The following MMD variants were observed in gnomAD, a reference collection of about 807,000 sequenced individuals.
The protein encoded by MMD is monocyte to macrophage differentiation factor.
MMD carries 22 observed loss-of-function variants against 33.6 expected under a neutral mutation model. The ratio of observed to expected loss-of-function variants is 0.66; its 90% CI spans 0.47 to 0.94. The LOEUF (loss-of-function observed/expected upper bound fraction) is 0.94, where lower values mean the gene tolerates loss of function less well. Among genes scored for constraint, MMD ranks in the 40% least tolerant of loss-of-function variants. MMD has a pLI of 0.00. For synonymous variants in MMD, 97 were observed against 103.2 expected, an observed-to-expected ratio of 0.94 and a Z score of 0.36; for missense variants, 242 against 309.8, an observed-to-expected ratio of 0.78 and a Z score of 1.64.
chr17:55,399,581 T>C (rs895886258), intron 6 of MMD, among the ~76,000 whole-genome samples: 4 of 152,224 alleles, frequency 2.6e-5, no homozygotes, highest in Admixed American at 6.5e-5. Flanking sequence ...CATGCTGTAT[T>C]CTCTACCTGT....
At position 55,403,528 on chromosome 17, in the gene MMD, G is replaced by A. The variant is rs138954255; in HGVS notation, c.446+239C>T. ...ATGAAGTCTGATGGACTCCAAAGGG[G>A]CTGGTTACCATGTCCCCTCAACTAC... On this transcript the variant is annotated intron_variant, in intron 5 of 6. Transcript: ENST00000262065. 2.6e-5 allele frequency among the ~76,000 whole-genome samples: 4 copies of A among 152,154 alleles called. No homozygotes were observed. The East Asian group carries it at 5.8e-4, about 22-fold the overall frequency.
Position 55,421,777 on chromosome 17 carries a change from G to T in MMD, c.-82C>A, listed in dbSNP as rs921647280. The T allele has an allele frequency of 1.1e-5, 16 of 1,476,548 alleles. No homozygotes were observed. Among genetic ancestry groups the T allele is most frequent in the African/African-American group, 1.5e-5 (1 of 68,586 alleles). 91.5% of individuals were successfully genotyped at this position (1,476,548 alleles called of 1,614,324 possible). ...GGGCGCGCGGCCCTCATGGGCTTGG[G>T]CTGCTCCGGAGGCCGCCTGCGTGTC... On this transcript the variant is annotated 5_prime_UTR_variant, in exon 1 of 7. Coordinates refer to ENST00000262065, the MANE Select transcript of MMD (RefSeq NM_012329.3).
Position 55,394,223 on chromosome 17 carries a change from T to G in MMD, c.*111A>C. 2 of 789,240 alleles carry G rather than the reference T, an allele frequency of 2.5e-6. No homozygotes were observed. Among genetic ancestry groups the G allele is most frequent in the Non-Finnish European group, 3.7e-6 (2 of 545,760 alleles). 48.9% of individuals were successfully genotyped at this position (789,240 alleles called of 1,614,324 possible). ...TCACAGTAATTATATTCAAAAGATA[T>G]AAAGTCAGTGCAGTTATTTTTTTTC... On this transcript the variant is annotated 3_prime_UTR_variant, in exon 7 of 7. Transcript: ENST00000262065.
chr17:55,416,940 C>T (rs1320412382), intron 1 of MMD, among the ~76,000 whole-genome samples: 1 of 152,122 alleles, frequency 6.6e-6, no homozygotes, highest in Non-Finnish European at 1.5e-5. Context: ...TTCACTTTCT[C>T]TTTCAAAACT....
At chr17:55,414,371 A>T (rs1907882101) in intron 1 of MMD, 139 bp from the exon 2 acceptor site, 1 of 741,858 alleles carries the variant, frequency 1.3e-6, no homozygotes, top group South Asian at 1.6e-5. Flanking sequence ...ATAAAGCCAA[A>T]GCCACTAAAG....
At chr17:55,399,606 C>T (rs1029984236) in intron 6 of MMD, among the ~76,000 whole-genome samples, 2 of 152,218 alleles carry the variant, frequency 1.3e-5, no homozygotes, top group Non-Finnish European at 2.9e-5. Flanking sequence ...CTTGCCTCAC[C>T]CCTACCATCT....
At position 55,401,538 on chromosome 17, in the gene MMD, T is replaced by C. The variant is rs1907328247; in HGVS notation, c.447A>G (p.Lys149=). ...AGAAAAAGAGTTCAACCACCTTATA[T>C]CTGCAGGAACAAAAATGCAGTTAAT... ...GTIYVFLYHE[K]YKVVELFFYL... Residue 149 remains lysine (K), a splice_region_variant and synonymous_variant, in exon 6 of 7, where the codon AAA becomes AAG. Coordinates refer to ENST00000262065, the MANE Select transcript of MMD (RefSeq NM_012329.3). 1.2e-6 allele frequency: 2 copies of C among 1,607,838 alleles called. No individual in the cohort carries two copies. The highest frequency in any genetic ancestry group is 4.5e-5 in the East Asian group (2 of 44,766).
chr17:55,416,788 T>C (rs1907983531), intron 1 of MMD, among the ~76,000 whole-genome samples: 1 of 152,186 alleles, frequency 6.6e-6, no homozygotes, highest in African/African-American at 2.4e-5. Context: ...CATCTCTATT[T>C]AAAGCGGAGT....
rs1390460346 is a variant in MMD, at chr17:55,407,298, CAAAATAAA to C, written c.344+440_344+447del. Among the ~76,000 whole-genome samples the C allele has an allele frequency of 9.6e-3, 1,311 of 136,374 alleles. 14 individuals carry two copies. The highest frequency in any genetic ancestry group is 0.035 in the African/African-American group (1,234 of 35,100). The allele number at this position is 136,374 out of a possible 152,430, so 89.5% of individuals were successfully genotyped here. ...GAGCCGAGATTGTGAGACTCCATCT[CAAAATAAA>C]TAAATAAATAAATAAATAAATAAAT... On this transcript the variant is annotated intron_variant, in intron 4 of 6. Transcript: ENST00000262065.
intron 2 of MMD, 116 bp downstream of exon 2, chr17:55,414,035 T>G: frequency 2.1e-6 from 2 of 949,362 alleles, no homozygotes; most frequent in Non-Finnish European, 3.3e-6. Context: ...TCCTGGTAGA[T>G]AAGGTCACAG....
intron 3 of MMD, among the ~76,000 whole-genome samples, chr17:55,408,209 C>T (rs1907631929): frequency 6.6e-6 from 1 of 152,178 alleles, no homozygotes; most frequent in South Asian, 2.1e-4. Context: ...CAACCTGCCC[C>T]AGCTCCTATC....
chr17:55,401,217 G>T (rs1277755422), intron 6 of MMD, among the ~76,000 whole-genome samples: 2 of 152,100 alleles, frequency 1.3e-5, no homozygotes, highest in Non-Finnish European at 2.9e-5. Context: ...TGTAGGGCAT[G>T]AACACAGCTC....
At chr17:55,407,902 T>G in intron 3 of MMD, 82 bp from the exon 4 acceptor site, 1 of 959,318 alleles carries the variant, frequency 1.0e-6, no homozygotes, top group South Asian at 1.9e-5. Context: ...ATGTTGCAAT[T>G]TCCATTCTTG....
rs535577301 is a variant in MMD at position 55,404,192 on chromosome 17, T to C, written c.345-324A>G. On this transcript the variant is annotated intron_variant, in intron 4 of 6. Transcript: ENST00000262065. ...CAACATGGTGAAACCCCATCTCTAC[T>C]AAAAATACAAAAATTAGCCAGGTGT... Among the ~76,000 whole-genome samples the C allele has an allele frequency of 2.0e-4, 30 of 152,042 alleles. No individual in the cohort carries two copies. In the South Asian group the frequency reaches 2.9e-3, roughly 15 times the overall value.
intron 6 of MMD, 29 bp from the exon 7 acceptor site, chr17:55,394,563 G>T (rs1329042168): frequency 1.6e-5 from 23 of 1,406,548 alleles, no homozygotes; most frequent in Non-Finnish European, 2.0e-5. Flanking sequence ...AAATAAAAAG[G>T]GTTTGATGTT....
In MMD at chr17:55,407,791, T is replaced by C; in HGVS notation, c.299A>G (p.Asp100Gly). ...AATGAAGAAATAGATAACCATTCTA[T>C]CACACATGTGAAAACAATGCTCCAC... ...RTVEHCFHMCDRMVIYFFIAA... is the reference protein window; with the variant it reads ...RTVEHCFHMCGRMVIYFFIAA... Residue 100 changes from aspartate to glycine, a missense_variant, in exon 4 of 7, where the codon GAT (aspartate) becomes GGT (glycine). Physicochemically the swap from Asp to Gly is moderately conservative, Grantham distance 94. Coordinates refer to ENST00000262065, the MANE Select transcript of MMD (RefSeq NM_012329.3). 1.9e-6 allele frequency: 3 copies of C among 1,596,906 alleles called. No individual in the cohort carries two copies. The highest frequency in any genetic ancestry group is 2.6e-6 in the Non-Finnish European group (3 of 1,175,342).
intron 6 of MMD, 99 bp from the exon 7 acceptor site, chr17:55,394,633 CA>C: frequency 9.9e-7 from 1 of 1,014,594 alleles, no homozygotes; most frequent in Non-Finnish European, 1.3e-6. Context: ...ATTTTCTAGA[CA>C]ATGAAGAAGC....
chr17:55,396,274 T>C (rs1046576246), intron 6 of MMD, among the ~76,000 whole-genome samples: 4 of 152,226 alleles, frequency 2.6e-5, no homozygotes, highest in Admixed American at 1.3e-4. Context: ...ATTCATTTAA[T>C]CTTCACAACG....
At position 55,392,821 on chromosome 17, in the gene MMD, G is replaced by C. The variant is rs962291327; in HGVS notation, c.*1513C>G. 6.6e-6 allele frequency: 1 copy of C among 152,294 alleles called. No individual in the cohort carries two copies. Among genetic ancestry groups the C allele is most frequent in the Non-Finnish European group, 1.5e-5 (1 of 68,020 alleles). The allele number at this position is 152,294 out of a possible 1,614,324, so 9.4% of individuals were successfully genotyped here. On this transcript the variant is annotated 3_prime_UTR_variant, in exon 7 of 7. Coordinates refer to ENST00000262065, the MANE Select transcript of MMD (RefSeq NM_012329.3). ...GTGGTTTGGTTGGTGTTATCACTGGGTACCTTGCCTATTTAACTCGCCAGC... is the reference window on the plus strand; with the variant it reads ...GTGGTTTGGTTGGTGTTATCACTGGCTACCTTGCCTATTTAACTCGCCAGC...
Sources: gnomAD v4.1 joint callset for allele counts (sites outside exome capture counted in the v4.1 genomes callset) on GRCh38, gnomAD v4.1.1 for gene constraint, MANE v1.5 for transcripts, NCBI Gene and HGNC (gene_info 2026-07-23, HGNC 2026-07-21) for gene names.